PCDH15: variants seen among roughly 807,000 people sequenced by gnomAD.
PCDH15 encodes protocadherin related 15.
In PCDH15, 129 loss-of-function variants were observed where a neutral mutation model predicts 178.5. The ratio of observed to expected loss-of-function variants is 0.72; its 90% CI spans 0.63 to 0.84. PCDH15 has a LOEUF of 0.84. PCDH15 is among the 40% of genes least tolerant of loss of function. The pLI is 0.00. For synonymous variants in PCDH15, 800 were observed against 732.0 expected, an observed-to-expected ratio of 1.09 and a Z score of -1.50; for missense variants, 2,230 against 2,099.9, an observed-to-expected ratio of 1.06 and a Z score of -1.21.
intron 9 of PCDH15, among the ~76,000 whole-genome samples, chr10:54,221,284 T>C (rs530688283): frequency 1.6e-4 from 24 of 152,280 alleles, no homozygotes; most frequent in African/African-American, 3.1e-4. Flanking sequence ...TTTTTCAGTA[T>C]TATAGAGGAA....
intron 20 of PCDH15, among the ~76,000 whole-genome samples, chr10:54,000,396 C>T (rs2092075694): frequency 6.6e-6 from 1 of 151,892 alleles, no homozygotes; most frequent in African/African-American, 2.4e-5. Context: ...ACAGAGAATT[C>T]AAAATAGTTG....
intron 15 of PCDH15, among the ~76,000 whole-genome samples, chr10:54,125,241 T>C (rs563964960): frequency 8.5e-5 from 13 of 152,210 alleles, no homozygotes; most frequent in Admixed American, 7.9e-4. Context: ...GCTATTTGTC[T>C]CTGAGCTGTT....
chr10:54,515,514 C>A (rs900653397), intron 3 of PCDH15, among the ~76,000 whole-genome samples: 3 of 152,192 alleles, frequency 2.0e-5, no homozygotes, highest in South Asian at 4.1e-4. Flanking sequence ...CACCACAGCT[C>A]AAGGAGGCCT....
At chr10:54,399,744 A>AGT (rs1482513817) in intron 3 of PCDH15, among the ~76,000 whole-genome samples, 1 of 152,092 alleles carries the variant, frequency 6.6e-6, no homozygotes, top group Non-Finnish European at 1.5e-5. Context: ...CCTCAGCAGT[A>AGT]AGACGCTGGG....
intron 2 of PCDH15, among the ~76,000 whole-genome samples, chr10:55,566,918 G>A (rs189984723): frequency 5.7e-4 from 86 of 151,886 alleles, no homozygotes; most frequent in African/African-American, 2.0e-3. Flanking sequence ...CCTTAAAGCA[G>A]AAATACAAAA....
intron 2 of PCDH15, among the ~76,000 whole-genome samples, chr10:54,916,784 G>C (rs73264070): frequency 0.066 from 10,015 of 152,060 alleles, 1,069 homozygotes; most frequent in African/African-American, 0.22. Flanking sequence ...ATTAAAATTG[G>C]TAATATTTGA....
intron 2 of PCDH15, among the ~76,000 whole-genome samples, chr10:54,953,163 T>C (rs1425264029): frequency 7.3e-5 from 11 of 151,544 alleles, no homozygotes; most frequent in Admixed American, 7.3e-4. Context: ...ATTTTGTAGA[T>C]GTTTTTTAAG....
intron 3 of PCDH15, among the ~76,000 whole-genome samples, chr10:54,414,906 A>G (rs1954097938): frequency 6.6e-6 from 1 of 152,092 alleles, no homozygotes; most frequent in Non-Finnish European, 1.5e-5. Context: ...CAGATTAAAA[A>G]TAGAATTTTA....
intron 2 of PCDH15, among the ~76,000 whole-genome samples, chr10:55,361,501 G>C (rs115738801): frequency 4.6e-5 from 7 of 151,742 alleles, no homozygotes; most frequent in African/African-American, 1.7e-4. Flanking sequence ...TTTTTCATTA[G>C]GTACAAGCTC....
intron 8 of PCDH15, among the ~76,000 whole-genome samples, chr10:54,279,893 AC>A (rs1424221312): frequency 1.3e-5 from 2 of 151,756 alleles, no homozygotes; most frequent in Non-Finnish European, 3.0e-5. Context: ...TAAATGTAGG[AC>A]ATTAAGCTTG....
chr10:54,215,991 T>C (rs7079819), intron 9 of PCDH15, among the ~76,000 whole-genome samples: 100,135 of 142,088 alleles, frequency 0.7, 36,081 homozygotes, highest in African/African-American at 0.8. Flanking sequence ...TGCAGTGAGC[T>C]GAGATCGTAC....
At chr10:55,192,206 G>A (rs1222059793) in intron 1 of PCDH15, among the ~76,000 whole-genome samples, 1 of 151,558 alleles carries the variant, frequency 6.6e-6, no homozygotes, top group East Asian at 1.9e-4. Flanking sequence ...TCAGAGACAG[G>A]ATGAAATTTG....
chr10:55,329,784 T>G (rs1228179472), intron 2 of PCDH15, among the ~76,000 whole-genome samples: 1 of 151,752 alleles, frequency 6.6e-6, no homozygotes, highest in Non-Finnish European at 1.5e-5. Context: ...AACAGATTAC[T>G]TATACAGAGT....
chr10:54,899,738 G>A (rs938144329), intron 2 of PCDH15, among the ~76,000 whole-genome samples: 44 of 151,978 alleles, frequency 2.9e-4, no homozygotes, highest in African/African-American at 1.1e-3. Flanking sequence ...GTTGTGATCC[G>A]TCCACCTCGG....
chr10:54,311,970 CTCAAG>C, intron 8 of PCDH15, among the ~76,000 whole-genome samples: 1 of 152,054 alleles, frequency 6.6e-6, no homozygotes, highest in South Asian at 2.1e-4. Context: ...GGAATGGTTT[CTCAAG>C]TCAAGAATAC....
chr10:55,609,695 T>A (rs908758758), intron 2 of PCDH15, among the ~76,000 whole-genome samples: 2 of 152,112 alleles, frequency 1.3e-5, no homozygotes, highest in East Asian at 3.8e-4. Flanking sequence ...AATCGTGCTA[T>A]CTATTTAACA....
In PCDH15 at chr10:54,630,792, C is replaced by T. The variant is rs115903748; in HGVS notation, c.91+33380G>A. 8.1e-3 allele frequency among the ~76,000 whole-genome samples: 1,234 copies of T among 152,066 alleles called. 20 individuals carry two copies. The highest frequency in any genetic ancestry group is 0.028 in the African/African-American group (1,174 of 41,488). ...TCTAATATCCGGAGCCTCTAAGGAACTTAAACAATTCAAAAGTGAAAAAAC... is the reference window on the plus strand; with the variant it reads ...TCTAATATCCGGAGCCTCTAAGGAATTTAAACAATTCAAAAGTGAAAAAAC... On this transcript the variant is annotated intron_variant, in intron 2 of 37. Transcript: ENST00000644397.
At chr10:53,815,831 A>T (rs530772881) in intron 35 of PCDH15, among the ~76,000 whole-genome samples, 89 of 152,308 alleles carry the variant, frequency 5.8e-4, no homozygotes, top group African/African-American at 1.9e-3. Flanking sequence ...ATTTTGAATC[A>T]CATAAAATGA....
intron 1 of PCDH15, among the ~76,000 whole-genome samples, chr10:55,184,339 T>G (rs1839737878): frequency 6.6e-6 from 1 of 152,004 alleles, no homozygotes; most frequent in Non-Finnish European, 1.5e-5. Flanking sequence ...GAGGACTCAC[T>G]ACAAAGGACT....
Sources: allele counts gnomAD v4.1 joint callset (sites outside exome capture counted in the v4.1 genomes callset), GRCh38; gene constraint gnomAD v4.1.1; transcripts MANE v1.5; gene names NCBI Gene and HGNC (gene_info 2026-07-23, HGNC 2026-07-21).